The following ADARB2 variants were observed in gnomAD, a reference collection of about 807,000 sequenced individuals.
ADARB2 encodes the protein adenosine deaminase RNA specific B2 (inactive), also known as inactive double-stranded RNA-specific editase B2.
In ADARB2, 25 loss-of-function variants were observed where a neutral mutation model predicts 62.2. The observed-to-expected ratio is 0.40, with a 90% CI of 0.29 to 0.56. The LOEUF (loss-of-function observed/expected upper bound fraction) is 0.56. Ranked by LOEUF, ADARB2 falls within the 20% of genes least tolerant of loss-of-function variation. The probability of loss-of-function intolerance (pLI) is 0.43; values close to 1 mark genes in which losing one functional copy is unlikely to be tolerated. For synonymous variants in ADARB2, 572 were observed against 500.8 expected, an observed-to-expected ratio of 1.14 and a Z score of -1.90; for missense variants, 1,071 against 1,077.4, an observed-to-expected ratio of 0.99 and a Z score of 0.08.
At chr10:1,488,067 T>G (rs1285001019) in intron 1 of ADARB2, among the ~76,000 whole-genome samples, 1 of 152,238 alleles carries the variant, frequency 6.6e-6, no homozygotes, top group African/African-American at 2.4e-5. Flanking sequence ...TTGGTTTGCT[T>G]TGAGAAAGCA....
chr10:1,688,686 G>A (rs1398473118), intron 1 of ADARB2, among the ~76,000 whole-genome samples: 1 of 152,128 alleles, frequency 6.6e-6, no homozygotes, highest in African/African-American at 2.4e-5. Context: ...ATAACTGAGG[G>A]TGATTGCTCA....
chr10:1,564,798 T>TTTTA (rs1554772137), intron 1 of ADARB2, among the ~76,000 whole-genome samples: 76 of 151,164 alleles, frequency 5.0e-4, no homozygotes, highest in Middle Eastern at 3.4e-3. Context: ...TTTTTTTTTT[T>TTTTA]AATTTCTGCC....
At chr10:1,502,227 A>C (rs558613122) in intron 1 of ADARB2, among the ~76,000 whole-genome samples, 1 of 152,302 alleles carries the variant, frequency 6.6e-6, no homozygotes, top group South Asian at 2.1e-4. Flanking sequence ...TGCTGCCCCC[A>C]GCGGGGCTCT....
At chr10:1,240,681 T>C (rs945605220) in intron 5 of ADARB2, among the ~76,000 whole-genome samples, 2 of 152,098 alleles carry the variant, frequency 1.3e-5, no homozygotes, top group African/African-American at 4.8e-5. Context: ...TGGTTCCCCA[T>C]GCAGGGCAGG....
intron 1 of ADARB2, among the ~76,000 whole-genome samples, chr10:1,486,247 T>TGTGTGTGTGTGTGTG (rs1831541955): frequency 6.7e-6 from 1 of 150,022 alleles, no homozygotes; most frequent in Admixed American, 6.7e-5. Context: ...TGTGTGTGTG[T>TGTGTGTGTGTGTGTG]TGTTAAGCAC....
At chr10:1,245,167 G>A (rs949119180) in intron 4 of ADARB2, among the ~76,000 whole-genome samples, 2 of 152,114 alleles carry the variant, frequency 1.3e-5, no homozygotes, top group African/African-American at 2.4e-5. Context: ...CTCAGGAGTG[G>A]ATTGGTGGGA....
At chr10:1,478,056 G>T (rs1032543430) in intron 1 of ADARB2, among the ~76,000 whole-genome samples, 4 of 152,194 alleles carry the variant, frequency 2.6e-5, no homozygotes, top group African/African-American at 9.7e-5. Context: ...AGCCTTTACT[G>T]AGCTGTGAGT....
intron 3 of ADARB2, among the ~76,000 whole-genome samples, chr10:1,348,881 G>A (rs1257990422): frequency 6.6e-6 from 1 of 152,206 alleles, no homozygotes; most frequent in African/African-American, 2.4e-5. Flanking sequence ...GCACAGGCAG[G>A]CATGCAAGCG....
At chr10:1,736,795 C>A (rs1200359466) in intron 1 of ADARB2, among the ~76,000 whole-genome samples, 1 of 152,196 alleles carries the variant, frequency 6.6e-6, no homozygotes, top group Non-Finnish European at 1.5e-5. Flanking sequence ...GAGCTCCTCG[C>A]CGCCCTCGCC....
chr10:1,253,844 A>G lies in ADARB2; in HGVS notation c.1193-11545T>C, dbSNP rs141942520. On this transcript the variant is annotated intron_variant, in intron 4 of 9. Coordinates refer to ENST00000381312, the MANE Select transcript of ADARB2 (RefSeq NM_018702.4). Reference sequence around the variant, plus strand: ...GAAGACTGGGAGCAGCCTGCATGAAAACAAGGAGCTCTGTGGTGAGGATGT... The same window carrying G: ...GAAGACTGGGAGCAGCCTGCATGAAGACAAGGAGCTCTGTGGTGAGGATGT... 6.6e-5 allele frequency among the ~76,000 whole-genome samples: 10 copies of G among 152,356 alleles called. No individual in the cohort carries two copies. The East Asian group carries it at 1.5e-3, about 23-fold the overall frequency.
At chr10:1,715,771 A>G (rs1461160602) in intron 1 of ADARB2, among the ~76,000 whole-genome samples, 1 of 152,268 alleles carries the variant, frequency 6.6e-6, no homozygotes, top group Non-Finnish European at 1.5e-5. Context: ...TGAGGAAGCC[A>G]GGAGGCTCCG....
chr10:1,349,049 A>C (rs1832109204), intron 3 of ADARB2, among the ~76,000 whole-genome samples: 1 of 152,150 alleles, frequency 6.6e-6, no homozygotes, highest in Non-Finnish European at 1.5e-5. Context: ...AAGCCATCAT[A>C]TCCCCTGTGA....
chr10:1,561,981 T>A (rs963587840), intron 1 of ADARB2, among the ~76,000 whole-genome samples: 16 of 152,222 alleles, frequency 1.1e-4, no homozygotes, highest in African/African-American at 3.6e-4. Context: ...TTCTGTGAAC[T>A]GCAGTCACCT....
At position 1,363,158 on chromosome 10, in the gene ADARB2, G is replaced by C. The variant is rs1354239554; in HGVS notation, c.947C>G (p.Thr316Arg). Residue 316 changes from threonine to arginine, a missense_variant, in exon 3 of 10, where the codon ACG becomes AGG. Transcript: ENST00000381312. ...FVMAVSVDGR[T>R]FEGSGRSKKL... is the part of the protein sequence containing the mutation. ...CTTGCTGCGCCCCGAGCCCTCGAACGTCCTGCCGTCCACGCTCACGGCCAT... is the reference window on the plus strand; with the variant it reads ...CTTGCTGCGCCCCGAGCCCTCGAACCTCCTGCCGTCCACGCTCACGGCCAT... 2.6e-6 allele frequency: 4 copies of C among 1,542,574 alleles called. No homozygotes were observed. In the Admixed American group the frequency reaches 7.5e-5, roughly 29 times the overall value.
At chr10:1,689,993 TTTTG>T (rs543620406) in intron 1 of ADARB2, among the ~76,000 whole-genome samples, 165 of 151,788 alleles carry the variant, frequency 1.1e-3, no homozygotes, top group African/African-American at 3.7e-3. Flanking sequence ...TGTTTTTGTT[TTTTG>T]TTTGTTTTTG....
chr10:1,659,373 C>T (rs912202993), intron 1 of ADARB2, among the ~76,000 whole-genome samples: 81 of 152,154 alleles, frequency 5.3e-4, no homozygotes, highest in African/African-American at 1.7e-3. Flanking sequence ...GGGGGAAGGC[C>T]GGAGCCAGGC....
rs918198977 is a variant in ADARB2, at chr10:1,294,787, G to A, written c.1078-23718C>T. On this transcript the variant is annotated intron_variant, in intron 3 of 9. Transcript: ENST00000381312. ...TCCCCTGATGCCAGCCCTAATTAGCGCTACCCAATTCTGACAACCCATGTG... is the reference window on the plus strand; with the variant it reads ...TCCCCTGATGCCAGCCCTAATTAGCACTACCCAATTCTGACAACCCATGTG... 3.9e-5 allele frequency among the ~76,000 whole-genome samples: 6 copies of A among 152,270 alleles called. No homozygotes were observed. In the South Asian group the frequency reaches 8.3e-4, roughly 21 times the overall value.
At chr10:1,346,126 T>G (rs1378162585) in intron 3 of ADARB2, among the ~76,000 whole-genome samples, 1 of 152,236 alleles carries the variant, frequency 6.6e-6, no homozygotes, top group Non-Finnish European at 1.5e-5. Flanking sequence ...TTTTGAATAC[T>G]TGAGTGAATT....
intron 1 of ADARB2, among the ~76,000 whole-genome samples, chr10:1,507,410 C>T (rs1028755985): frequency 2.0e-5 from 3 of 152,358 alleles, no homozygotes; most frequent in Non-Finnish European, 4.4e-5. Context: ...CACCAGGCTG[C>T]ATCCGGAGCT....
Sources: gnomAD v4.1 joint callset for allele counts (sites outside exome capture counted in the v4.1 genomes callset) on GRCh38, gnomAD v4.1.1 for gene constraint, MANE v1.5 for transcripts, NCBI Gene and HGNC (gene_info 2026-07-23, HGNC 2026-07-21) for gene names.